WDR72: variants seen among roughly 807,000 people sequenced by gnomAD.
The protein encoded by WDR72 is WD repeat-containing protein 72.
WDR72 carries 120 observed loss-of-function variants against 124.2 expected under a neutral mutation model. That is an observed-to-expected ratio of 0.97 (90% CI 0.83 to 1.12). WDR72 has a LOEUF of 1.12. Among genes scored for constraint, WDR72 ranks in the 50% most tolerant of loss-of-function variants. The probability of loss-of-function intolerance (pLI) is 0.00; values close to 1 mark genes in which losing one functional copy is unlikely to be tolerated. For synonymous variants in WDR72, 452 were observed against 441.7 expected (o/e 1.02, Z -0.29); for missense variants, 1,387 against 1,278.8 (o/e 1.08, Z -1.29).
At chr15:53,657,228 C>A (rs539101978) in intron 14 of WDR72, among the ~76,000 whole-genome samples, 1 of 121,974 alleles carries the variant, frequency 8.2e-6, no homozygotes, top group Non-Finnish European at 1.6e-5. Flanking sequence ...CATGTCATTG[C>A]ACTCCAGCCT....
chr15:53,747,198 G>A (rs2018663648), intron 1 of WDR72, among the ~76,000 whole-genome samples: 1 of 152,156 alleles, frequency 6.6e-6, no homozygotes, highest in East Asian at 1.9e-4. Context: ...TGCTCCTGAA[G>A]CCAAAGTTAT....
chr15:53,565,092 G>A (rs1291920174), intron 18 of WDR72, among the ~76,000 whole-genome samples: 1 of 151,824 alleles, frequency 6.6e-6, no homozygotes, highest in Non-Finnish European at 1.5e-5. Context: ...AAGGTTTTGG[G>A]GAAAGGTGCT....
At chr15:53,679,192 G>T (rs1030888576) in intron 13 of WDR72, among the ~76,000 whole-genome samples, 7 of 152,174 alleles carry the variant, frequency 4.6e-5, no homozygotes, top group African/African-American at 1.7e-4. Flanking sequence ...CAGTGGGTAT[G>T]GAGTTTCATT....
chr15:53,757,977 T>TTCTCTCTCTCTCTCTC (rs5812712), intron 1 of WDR72, among the ~76,000 whole-genome samples: 1 of 148,664 alleles, frequency 6.7e-6, no homozygotes, highest in African/African-American at 2.5e-5. Context: ...AGAGTTTATT[T>TTCTCTCTCTCTCTCTC]TCTCTCTCTC....
chr15:53,525,536 C>T (rs1892067436), intron 18 of WDR72, among the ~76,000 whole-genome samples: 1 of 152,002 alleles, frequency 6.6e-6, no homozygotes, highest in Non-Finnish European at 1.5e-5. Context: ...AATCAGGGAC[C>T]TCACAGAGGA....
At chr15:53,581,288 T>C (rs77485492) in intron 18 of WDR72, among the ~76,000 whole-genome samples, 1,958 of 152,216 alleles carry the variant, frequency 0.013, 49 homozygotes, top group African/African-American at 0.045. Context: ...CAAAGCAATA[T>C]ACTAAAATGA....
chr15:53,551,687 C>A (rs2140279852), intron 18 of WDR72, among the ~76,000 whole-genome samples: 1 of 152,126 alleles, frequency 6.6e-6, no homozygotes, highest in South Asian at 2.1e-4. Flanking sequence ...AAACAATTAC[C>A]TTAAGAGTCA....
At chr15:53,522,693 G>A (rs1016316854) in intron 19 of WDR72, among the ~76,000 whole-genome samples, 2 of 152,030 alleles carry the variant, frequency 1.3e-5, no homozygotes, top group African/African-American at 4.8e-5. Flanking sequence ...TTTATTGCAT[G>A]AGAGAAGGGT....
At position 53,675,844 on chromosome 15, in the gene WDR72, G is replaced by A. The variant is rs118027214; in HGVS notation, c.1766-10076C>T. Among the ~76,000 whole-genome samples the A allele has an allele frequency of 8.9e-3, 1,357 of 152,274 alleles. 12 individuals are homozygous for A. Among genetic ancestry groups the A allele is most frequent in the Non-Finnish European group, 0.012 (804 of 68,012 alleles). On this transcript the variant is annotated intron_variant, in intron 13 of 19. Transcript: ENST00000360509. Reference sequence around the variant, plus strand: ...TCTTGAATAAAGTGCTGGGTGAGGGGTGAAGTCCTATGAGAGTTATTTTGG... The same window carrying A: ...TCTTGAATAAAGTGCTGGGTGAGGGATGAAGTCCTATGAGAGTTATTTTGG...
intron 14 of WDR72, among the ~76,000 whole-genome samples, chr15:53,646,003 A>G (rs547294025): frequency 4.6e-4 from 70 of 152,186 alleles, no homozygotes; most frequent in Non-Finnish European, 9.1e-4. Context: ...GGGAACCTGG[A>G]TGTATGATGA....
chr15:53,681,101 G>C (rs550470560), intron 13 of WDR72, among the ~76,000 whole-genome samples: 1 of 152,258 alleles, frequency 6.6e-6, no homozygotes, highest in South Asian at 2.1e-4. Context: ...GTAGGAGTTG[G>C]ATATTATTGA....
In WDR72 at chr15:53,562,743, T is replaced by G. The variant is rs746081220; in HGVS notation, c.3148+34336A>C. 2.6e-5 allele frequency among the ~76,000 whole-genome samples: 4 copies of G among 151,808 alleles called. No homozygotes were observed. In the South Asian group the frequency reaches 8.3e-4, roughly 31 times the overall value. On this transcript the variant is annotated intron_variant, in intron 18 of 19. Coordinates refer to ENST00000360509, the MANE Select transcript of WDR72 (RefSeq NM_182758.4). ...ATTTCCTATCCCCTACTGCAAACCCTTCCCAAGAGATAAATGGACTTCAGC... is the reference window on the plus strand; with the variant it reads ...ATTTCCTATCCCCTACTGCAAACCCGTCCCAAGAGATAAATGGACTTCAGC...
At position 53,715,328 on chromosome 15, in the gene WDR72, G is replaced by C; in HGVS notation, c.379C>G (p.Leu127Val). 1 of 1,614,134 alleles carries C rather than the reference G, an allele frequency of 6.2e-7. No individual in the cohort carries two copies. The highest frequency in any genetic ancestry group is 8.5e-7 in the Non-Finnish European group (1 of 1,180,002). ...CSFRMTGEGW[L>V]LCCGEYQDVL... ...TCTTGATATTCTCCACAACAAAGAA[G>C]CCAGCCTTCTCCTGTCATCCGGAAT... is the stretch of plus-strand genomic sequence containing the variant. Residue 127 changes from leucine (L) to valine (V), a missense_variant, in exon 5 of 20, where the codon CTT becomes GTT. Coordinates refer to ENST00000360509, the MANE Select transcript of WDR72 (RefSeq NM_182758.4).
At chr15:53,733,685 A>G (rs1431380278) in intron 1 of WDR72, among the ~76,000 whole-genome samples, 1 of 152,170 alleles carries the variant, frequency 6.6e-6, no homozygotes, top group Non-Finnish European at 1.5e-5. Context: ...TTTCTGCCAT[A>G]TTCTATTTTT....
At chr15:53,661,890 A>G (rs1367265668) in intron 14 of WDR72, among the ~76,000 whole-genome samples, 1 of 152,152 alleles carries the variant, frequency 6.6e-6, no homozygotes, top group African/African-American at 2.4e-5. Flanking sequence ...TCTACAGAAA[A>G]TCAGTTTTAA....
At chr15:53,701,536 G>GTCTCTCTCTCTCTCTCTCTCTCTC (rs370281315) in intron 12 of WDR72, among the ~76,000 whole-genome samples, 1 of 101,504 alleles carries the variant, frequency 9.9e-6, no homozygotes, top group Non-Finnish European at 1.9e-5. Context: ...GTGAGACCCT[G>GTCTCTCTCTCTCTCTCTCTCTCTC]TCTCTCTCTC....
At chr15:53,555,756 T>C (rs947777390) in intron 18 of WDR72, among the ~76,000 whole-genome samples, 27 of 152,086 alleles carry the variant, frequency 1.8e-4, no homozygotes, top group Non-Finnish European at 3.2e-4. Context: ...TGGTTTGCCA[T>C]TTAAAAAAAT....
chr15:53,758,864 C>G (rs1374822935), intron 1 of WDR72, among the ~76,000 whole-genome samples: 3 of 145,340 alleles, frequency 2.1e-5, no homozygotes, highest in Non-Finnish European at 4.5e-5. Context: ...GAAATGGATA[C>G]AAAAATGCTA....
chr15:53,556,772 A>G (rs1470289477), intron 18 of WDR72, among the ~76,000 whole-genome samples: 1 of 152,164 alleles, frequency 6.6e-6, no homozygotes, highest in Non-Finnish European at 1.5e-5. Context: ...GCTTTCTACA[A>G]CATGGTTCAA....
Sources: gnomAD v4.1 joint callset for allele counts (sites outside exome capture counted in the v4.1 genomes callset) on GRCh38, gnomAD v4.1.1 for gene constraint, MANE v1.5 for transcripts, NCBI Gene and HGNC (gene_info 2026-07-23, HGNC 2026-07-21) for gene names.